ARHGEF26: variants seen among roughly 807,000 people sequenced by gnomAD.
ARHGEF26 encodes Rho guanine nucleotide exchange factor 26, also known as Rho guanine nucleotide exchange factor (GEF) 26.
Under a neutral mutation model 89.4 loss-of-function variants are expected in ARHGEF26, and 59 were observed. The observed-to-expected ratio is 0.66, with a 90% confidence interval of 0.54 to 0.82. The LOEUF (loss-of-function observed/expected upper bound fraction) is 0.82, where lower values mean the gene tolerates loss of function less well. ARHGEF26 is among the 40% of genes least tolerant of loss of function. ARHGEF26 has a pLI of 0.00. For missense variants in ARHGEF26, 1,234 were observed against 1,085.6 expected (o/e 1.14, Z -1.92); for synonymous variants, 500 against 428.4 (o/e 1.17, Z -2.06).
At chr3:154,232,511 A>G (rs1716883246) in intron 11 of ARHGEF26, among the ~76,000 whole-genome samples, 1 of 152,168 alleles carries the variant, frequency 6.6e-6, no homozygotes, top group South Asian at 2.1e-4. Context: ...ATTTCTTGAC[A>G]TGGGTATTTA....
rs1344260204 is a variant in ARHGEF26, at chr3:154,256,568, AAAAAAAAC to A, written c.*1096_*1103del. ...TTAATTAAAAAAAAAAAAAAAAAAAAAAAAAAACCTTCCCAAATGAGCTGATAAAAAAC... is the reference window on the plus strand; with the variant it reads ...TTAATTAAAAAAAAAAAAAAAAAAAACTTCCCAAATGAGCTGATAAAAAAC... On this transcript the variant is annotated 3_prime_UTR_variant, in exon 15 of 15. Transcript: ENST00000465093. 317 of 1,001,498 alleles carry A rather than the reference AAAAAAAAC, an allele frequency of 3.2e-4. 5 individuals are homozygous for A. The highest frequency in any genetic ancestry group is 1.0e-3 in the South Asian group (22 of 21,042). 62.0% of individuals were successfully genotyped at this position (1,001,498 alleles called of 1,614,324 possible).
intron 7 of ARHGEF26, among the ~76,000 whole-genome samples, chr3:154,189,834 T>G (rs1013035878): frequency 3.9e-5 from 4 of 101,512 alleles, no homozygotes; most frequent in Admixed American, 1.3e-4. Context: ...GAGGTTTTTG[T>G]TTTTTTTTTT....
chr3:154,165,606 C>G (rs555754060), intron 6 of ARHGEF26, among the ~76,000 whole-genome samples: 3 of 152,164 alleles, frequency 2.0e-5, no homozygotes, highest in Non-Finnish European at 4.4e-5. Context: ...TAATTACCAA[C>G]TTTGAATACT....
At chr3:154,226,726 A>T (rs1046618634) in intron 11 of ARHGEF26, among the ~76,000 whole-genome samples, 1 of 150,972 alleles carries the variant, frequency 6.6e-6, no homozygotes, top group Non-Finnish European at 1.5e-5. Flanking sequence ...TCTAGGGAAC[A>T]TACTTTATTA....
chr3:154,254,161 T>G (rs988861778), intron 13 of ARHGEF26, among the ~76,000 whole-genome samples: 2 of 152,144 alleles, frequency 1.3e-5, no homozygotes, highest in Non-Finnish European at 1.5e-5. Context: ...GTGATCCGCC[T>G]GCCTCGGCCT....
At chr3:154,162,275 T>C (rs942155100) in intron 6 of ARHGEF26, among the ~76,000 whole-genome samples, 5 of 152,184 alleles carry the variant, frequency 3.3e-5, no homozygotes, top group African/African-American at 9.6e-5. Flanking sequence ...CTTTGTATTC[T>C]AGCCAAGTTA....
chr3:154,236,103 T>C (rs1048071317), intron 11 of ARHGEF26, among the ~76,000 whole-genome samples: 8 of 152,330 alleles, frequency 5.3e-5, no homozygotes, highest in South Asian at 2.1e-4. Flanking sequence ...TTTGATGTTA[T>C]GTTGCGTATA....
chr3:154,230,353 C>T (rs1417749261), intron 11 of ARHGEF26, among the ~76,000 whole-genome samples: 2 of 152,178 alleles, frequency 1.3e-5, no homozygotes, highest in East Asian at 1.9e-4. Flanking sequence ...TCAGCAGAGC[C>T]AGGATTCTAA....
At chr3:154,226,715 C>T (rs1283828480) in intron 11 of ARHGEF26, among the ~76,000 whole-genome samples, 1 of 150,952 alleles carries the variant, frequency 6.6e-6, no homozygotes, top group Non-Finnish European at 1.5e-5. Flanking sequence ...CTCTGCCTTT[C>T]TCTAGGGAAC....
intron 6 of ARHGEF26, among the ~76,000 whole-genome samples, chr3:154,184,820 T>C (rs932694533): frequency 2.0e-5 from 3 of 152,218 alleles, no homozygotes; most frequent in Non-Finnish European, 4.4e-5. Context: ...TGGTTTCTTA[T>C]TGTCTACAGA....
At position 154,121,956 on chromosome 3, in the gene ARHGEF26, G is replaced by A. The variant is rs767189484; in HGVS notation, c.-37G>A. The A allele has an allele frequency of 6.4e-7, 1 of 1,556,938 alleles. No individual in the cohort carries two copies. Among genetic ancestry groups the A allele is most frequent in the African/African-American group, 1.4e-5 (1 of 73,484 alleles). Reference sequence around the variant, plus strand: ...TTCCTCTTTAGGCAAGACTAACTCGGTGTTGCTCCTCCCGGCGCTGACTTC... The same window carrying A: ...TTCCTCTTTAGGCAAGACTAACTCGATGTTGCTCCTCCCGGCGCTGACTTC... On this transcript the variant is annotated 5_prime_UTR_variant, in exon 2 of 15. It adds an upstream start codon to the 5' untranslated region. Coordinates refer to ENST00000465093, the MANE Select transcript of ARHGEF26 (RefSeq NM_015595.4).
chr3:154,121,750 G>A (rs938292903), intron 1 of ARHGEF26, among the ~76,000 whole-genome samples, 192 bp from the exon 2 acceptor site: 1 of 152,178 alleles, frequency 6.6e-6, no homozygotes, highest in African/African-American at 2.4e-5. Context: ...TAATCCGCCT[G>A]GGCGGCAGCC....
At chr3:154,229,211 T>C (rs1267753133) in intron 11 of ARHGEF26, among the ~76,000 whole-genome samples, 1 of 152,172 alleles carries the variant, frequency 6.6e-6, no homozygotes, top group Non-Finnish European at 1.5e-5. Context: ...TTATTAATTT[T>C]TTTTTTAGAG....
At chr3:154,249,705 A>G (rs1170050556) in intron 12 of ARHGEF26, among the ~76,000 whole-genome samples, 1 of 152,192 alleles carries the variant, frequency 6.6e-6, no homozygotes, top group Admixed American at 6.5e-5. Context: ...ATGTGGGTAG[A>G]GGAAGGAGTG....
chr3:154,203,613 T>A (rs956729193), intron 9 of ARHGEF26, among the ~76,000 whole-genome samples: 1 of 152,200 alleles, frequency 6.6e-6, no homozygotes, highest in African/African-American at 2.4e-5. Context: ...ATACTAGCTA[T>A]GGGTCTGTCA....
chr3:154,191,995 A>G (rs1288286174), intron 8 of ARHGEF26, among the ~76,000 whole-genome samples: 1 of 152,214 alleles, frequency 6.6e-6, no homozygotes, highest in Non-Finnish European at 1.5e-5. Context: ...TCACGGCAAG[A>G]CATGACTGGG....
chr3:154,166,286 A>G lies in ARHGEF26; in HGVS notation c.1487+13354A>G, dbSNP rs555519570. 1.6e-4 allele frequency among the ~76,000 whole-genome samples: 25 copies of G among 152,178 alleles called. No homozygotes were observed. The East Asian group carries it at 3.1e-3, about 19-fold the overall frequency. On this transcript the variant is annotated intron_variant, in intron 6 of 14. Coordinates refer to ENST00000465093, the MANE Select transcript of ARHGEF26 (RefSeq NM_015595.4). ...AGAATGGTCTCGATCTCCTGACCTC[A>G]TGATCCGCCCGCCTTGGCCTCCCAA...
At chr3:154,213,292 C>A (rs1715505777) in intron 9 of ARHGEF26, among the ~76,000 whole-genome samples, 1 of 149,612 alleles carries the variant, frequency 6.7e-6, no homozygotes, top group East Asian at 2.0e-4. Context: ...TTTATTAGGC[C>A]TGGGACAAAA....
At chr3:154,206,718 T>G (rs1329855146) in intron 9 of ARHGEF26, among the ~76,000 whole-genome samples, 1 of 152,106 alleles carries the variant, frequency 6.6e-6, no homozygotes, top group Non-Finnish European at 1.5e-5. Context: ...ATGCTTTTAT[T>G]ATTAAACTGC....
Sources: gnomAD v4.1 joint callset for allele counts (sites outside exome capture counted in the v4.1 genomes callset) on GRCh38, gnomAD v4.1.1 for gene constraint, MANE v1.5 for transcripts, NCBI Gene and HGNC (gene_info 2026-07-23, HGNC 2026-07-21) for gene names.